The following PHIP variants were observed in gnomAD, a reference collection of about 807,000 sequenced individuals.
The protein encoded by PHIP is PHIP subunit of CUL4-Ring ligase complex.
In PHIP, 54 loss-of-function variants were observed where a neutral mutation model predicts 236.8. The ratio of observed to expected loss-of-function variants is 0.23; its 90% CI spans 0.18 to 0.29. The LOEUF is 0.29. PHIP is among the 10% of genes least tolerant of loss of function. The pLI, the probability that PHIP is intolerant of heterozygous loss-of-function variation, is 1.00. For synonymous variants in PHIP, 756 were observed against 718.9 expected, an observed-to-expected ratio of 1.05 and a Z score of -0.83; for missense variants, 1,370 against 2,190.8, an observed-to-expected ratio of 0.63 and a Z score of 7.48.
rs925994239 is a variant in PHIP, at chr6:78,939,360, C to T, written c.*1333G>A. ...TGACATACCAGCATGATAAGGATAC[C>T]GTAAAAAGTGCAGAAAAAACACAAT... On this transcript the variant is annotated 3_prime_UTR_variant, in exon 40 of 40. Transcript: ENST00000275034. 1 of 151,270 alleles carries T rather than the reference C, an allele frequency of 6.6e-6. No individual in the cohort carries two copies. The highest frequency in any genetic ancestry group is 1.5e-5 in the Non-Finnish European group (1 of 67,594). The allele number at this position is 151,270 out of a possible 1,614,324, so 9.4% of individuals were successfully genotyped here.
intron 4 of PHIP, among the ~76,000 whole-genome samples, chr6:79,062,002 CCTT>C (rs1271998238): frequency 2.0e-5 from 3 of 152,102 alleles, no homozygotes; most frequent in African/African-American, 7.2e-5. Flanking sequence ...AAAATACACT[CCTT>C]CTTTCACAAA....
intron 7 of PHIP, 131 bp downstream of exon 7, chr6:79,042,712 A>C: frequency 1.7e-6 from 1 of 592,970 alleles, no homozygotes; most frequent in Non-Finnish European, 2.8e-6. Context: ...CTGTTAGAGT[A>C]AGTGAAACCA....
chr6:78,976,134 G>C (rs1202150874), intron 24 of PHIP, among the ~76,000 whole-genome samples: 1 of 149,910 alleles, frequency 6.7e-6, no homozygotes, highest in Non-Finnish European at 1.5e-5. Flanking sequence ...ATACTACAAG[G>C]CTACAGTAAC....
chr6:79,064,396 A>C (rs188846102), intron 4 of PHIP, among the ~76,000 whole-genome samples: 1 of 152,258 alleles, frequency 6.6e-6, no homozygotes, highest in Admixed American at 6.5e-5. Flanking sequence ...CTCCGGAAAC[A>C]TGTTTTTAAA....
intron 7 of PHIP, among the ~76,000 whole-genome samples, chr6:79,042,273 TAAAC>T (rs1772257692): frequency 6.6e-6 from 1 of 151,990 alleles, no homozygotes; most frequent in South Asian, 2.1e-4. Context: ...CAATAACAAA[TAAAC>T]AAACCCAAAG....
At chr6:79,063,950 T>C (rs1219532248) in intron 4 of PHIP, among the ~76,000 whole-genome samples, 1 of 152,052 alleles carries the variant, frequency 6.6e-6, no homozygotes, top group Non-Finnish European at 1.5e-5. Context: ...AACAATGCTA[T>C]TATCCTCTCT....
At position 78,990,918 on chromosome 6, in the gene PHIP, T is replaced by G; in HGVS notation, c.2269A>C (p.Arg757=). 1 of 1,611,034 alleles carries G rather than the reference T, an allele frequency of 6.2e-7. No individual in the cohort carries two copies. The highest frequency in any genetic ancestry group is 8.5e-7 in the Non-Finnish European group (1 of 1,177,558). Residue 757 remains arginine, a synonymous_variant, in exon 20 of 40, where the codon AGA becomes CGA. Coordinates refer to ENST00000275034, the MANE Select transcript of PHIP (RefSeq NM_017934.7). ...EIKTYRSEEK[R]KHLTVPKENK... ...TCTTTTGGAACAGTTAAGTGTTTTC[T>G]TTTCTCTTCTGACCTGTAAGTCTTT...
At chr6:79,008,622 ATGAG>A (rs988512558) in intron 15 of PHIP, among the ~76,000 whole-genome samples, 11 of 152,168 alleles carry the variant, frequency 7.2e-5, no homozygotes, top group African/African-American at 2.6e-4. Context: ...TGCTAAATAT[ATGAG>A]TATTTCCCAA....
At chr6:78,942,016 C>T (rs1773527392) in intron 39 of PHIP, among the ~76,000 whole-genome samples, 1 of 152,096 alleles carries the variant, frequency 6.6e-6, no homozygotes. Flanking sequence ...CAGGAACTAC[C>T]AGTAACTAAC....
rs547633478 is a variant in PHIP, at chr6:78,960,713, G to C, written c.3656+977C>G. The stretch of plus-strand genomic sequence containing the variant: ...CAATTATGCTCCCCAGAAGACATGT[G>C]ACAATGTCTGAACACATTTTTGGTT... On this transcript the variant is annotated intron_variant, in intron 31 of 39. Transcript: ENST00000275034. Among the ~76,000 whole-genome samples the C allele has an allele frequency of 5.3e-5, 8 of 152,140 alleles. No homozygotes were observed. In the East Asian group the frequency reaches 1.2e-3, roughly 22 times the overall value.
At chr6:79,047,960 A>G (rs1772584180) in intron 6 of PHIP, among the ~76,000 whole-genome samples, 1 of 151,360 alleles carries the variant, frequency 6.6e-6, no homozygotes, top group Non-Finnish European at 1.5e-5. Flanking sequence ...TTTCTATTAA[A>G]TTTTGATTAC....
intron 15 of PHIP, among the ~76,000 whole-genome samples, chr6:79,012,707 A>G (rs1196484350): frequency 6.6e-6 from 1 of 151,736 alleles, no homozygotes; most frequent in Non-Finnish European, 1.5e-5. Context: ...TCATGATAGC[A>G]AGCAGTGAGA....
At chr6:79,068,649 T>C (rs1219052124) in intron 4 of PHIP, among the ~76,000 whole-genome samples, 2 of 152,290 alleles carry the variant, frequency 1.3e-5, no homozygotes, top group East Asian at 3.9e-4. Context: ...AATTAAACCA[T>C]ATGAAGCAGT....
intron 23 of PHIP, 149 bp downstream of exon 23, chr6:78,982,737 A>G (rs367884914): frequency 3.9e-6 from 2 of 510,534 alleles, no homozygotes; most frequent in Admixed American, 3.1e-5. Flanking sequence ...ATATTTAGGT[A>G]AACTTTTTTA....
In PHIP at chr6:79,056,479, G is replaced by C. The variant is rs577754052; in HGVS notation, c.439+3999C>G. On this transcript the variant is annotated intron_variant, in intron 6 of 39. Transcript: ENST00000275034. ...ATTCAGTCACTCTCAATGGGGGAAA[G>C]GAGGAGGCATGACATGGTAATATGT... Among the ~76,000 whole-genome samples, 10 of 152,260 alleles carry C rather than the reference G, an allele frequency of 6.6e-5. No individual in the cohort carries two copies. The South Asian group carries it at 2.1e-3, about 32-fold the overall frequency.
Position 78,936,226 on chromosome 6 carries a change from A to AT in PHIP, c.*4466_*4467insA, listed in dbSNP as rs1773267676. On this transcript the variant is annotated 3_prime_UTR_variant, in exon 40 of 40. Transcript: ENST00000275034. ...TAAACATTGTTTTCTGTACAAAATA[A>AT]GCATAATCTTAATTTGAAAATGTGT... is the stretch of plus-strand genomic sequence containing the variant. 6.6e-6 allele frequency: 1 copy of AT among 151,990 alleles called. No homozygotes were observed. Among genetic ancestry groups the AT allele is most frequent in the Non-Finnish European group, 1.5e-5 (1 of 67,854 alleles). 9.4% of individuals were successfully genotyped at this position (151,990 alleles called of 1,614,324 possible).
chr6:78,998,155 A>G, intron 18 of PHIP, 99 bp downstream of exon 18: 1 of 819,340 alleles, frequency 1.2e-6, no homozygotes, highest in Non-Finnish European at 2.0e-6. Flanking sequence ...ATTTCATTTT[A>G]CGGATGTACC....
chr6:79,048,935 C>G (rs1772646798), intron 6 of PHIP, among the ~76,000 whole-genome samples: 5 of 152,166 alleles, frequency 3.3e-5, no homozygotes, highest in Admixed American at 2.0e-4. Context: ...GAATATGTAA[C>G]TCGGAAGGTA....
intron 17 of PHIP, among the ~76,000 whole-genome samples, chr6:79,000,522 G>GTAA: frequency 6.6e-6 from 1 of 151,958 alleles, no homozygotes; most frequent in Non-Finnish European, 1.5e-5. Flanking sequence ...GATTTAAAAA[G>GTAA]TAATAATAAT....
Sources: gnomAD v4.1 joint callset for allele counts (sites outside exome capture counted in the v4.1 genomes callset) on GRCh38, gnomAD v4.1.1 for gene constraint, MANE v1.5 for transcripts, NCBI Gene and HGNC (gene_info 2026-07-23, HGNC 2026-07-21) for gene names.